ANGPT4: variants seen among roughly 807,000 people sequenced by gnomAD.
The protein encoded by ANGPT4 is angiopoietin-4.
In ANGPT4, 50 loss-of-function variants were observed where a neutral mutation model predicts 53.0. The ratio of observed to expected loss-of-function variants is 0.94; its 90% CI spans 0.75 to 1.20. The LOEUF (loss-of-function observed/expected upper bound fraction) is 1.20. Among genes scored for constraint, ANGPT4 ranks in the 50% most tolerant of loss-of-function variants. The pLI, the probability that ANGPT4 is intolerant of heterozygous loss-of-function variation, is 0.00. For missense variants in ANGPT4, 648 were observed against 637.1 expected (o/e 1.02, Z -0.18); for synonymous variants, 251 against 259.7 (o/e 0.97, Z 0.32).
intron 4 of ANGPT4, among the ~76,000 whole-genome samples, 191 bp downstream of exon 4, chr20:884,887 A>T (rs1279330821): frequency 2.0e-5 from 3 of 152,184 alleles, no homozygotes; most frequent in Non-Finnish European, 4.4e-5. Flanking sequence ...GAATCAGGGG[A>T]CAGGGCCTGG....
At chr20:879,667 A>T (rs113674912) in intron 6 of ANGPT4, 80 bp downstream of exon 6, 1 of 1,229,430 alleles carries the variant, frequency 8.1e-7, no homozygotes. Flanking sequence ...GAATGAGGGC[A>T]AAGCAGTCCC....
At chr20:873,226 G>T (rs1187232041) in intron 8 of ANGPT4, 106 bp from the exon 9 acceptor site, 10 of 813,562 alleles carry the variant, frequency 1.2e-5, no homozygotes, top group Non-Finnish European at 1.7e-5. Flanking sequence ...CGGGGCTGTT[G>T]CCTCCTCTGG....
At chr20:898,758 A>G (rs139700044) in intron 1 of ANGPT4, among the ~76,000 whole-genome samples, 93 of 152,328 alleles carry the variant, frequency 6.1e-4, no homozygotes, top group Non-Finnish European at 7.1e-4. Flanking sequence ...AAGAACTTCA[A>G]AACGCCTAAG....
Position 870,911 on chromosome 20 carries a change from C to T in ANGPT4, c.*2049G>A, listed in dbSNP as rs531941030. The T allele has an allele frequency of 2.0e-4, 31 of 152,274 alleles. No homozygotes were observed. Among genetic ancestry groups the T allele is most frequent in the African/African-American group, 6.5e-4 (27 of 41,546 alleles). The allele number at this position is 152,274 out of a possible 1,614,324, so 9.4% of individuals were successfully genotyped here. A position where few individuals can be genotyped will look rare whatever the true frequency, so the allele number is the denominator to read the frequency against. Reference sequence around the variant, plus strand: ...TGGTCTCATTTCCTCCTTGCCATAGCCCAGCCAGGAAGGAATATTATCATC... The same window carrying T: ...TGGTCTCATTTCCTCCTTGCCATAGTCCAGCCAGGAAGGAATATTATCATC... On this transcript the variant is annotated 3_prime_UTR_variant, in exon 9 of 9. Transcript: ENST00000381922.
chr20:885,459 G>A, intron 3 of ANGPT4, 134 bp from the exon 4 acceptor site: 1 of 1,300,600 alleles, frequency 7.7e-7, no homozygotes, highest in Non-Finnish European at 1.0e-6. Context: ...TGTGCCCACT[G>A]TAGGCACAGA....
intron 4 of ANGPT4, among the ~76,000 whole-genome samples, chr20:882,946 A>T (rs552459767): frequency 6.9e-4 from 105 of 152,338 alleles, no homozygotes; most frequent in African/African-American, 2.4e-3. Flanking sequence ...ACTGATATTG[A>T]TATGCAACAG....
intron 1 of ANGPT4, among the ~76,000 whole-genome samples, chr20:902,470 G>A (rs917481579): frequency 2.6e-5 from 4 of 152,074 alleles, no homozygotes; most frequent in Admixed American, 1.3e-4. Flanking sequence ...AGTAGAAACC[G>A]CAGATACTCT....
chr20:878,146 G>A lies in ANGPT4; in HGVS notation c.1220+15C>T. The A allele has an allele frequency of 6.3e-7, 1 of 1,577,690 alleles. No homozygotes were observed. The highest frequency in any genetic ancestry group is 8.7e-7 in the Non-Finnish European group (1 of 1,152,194). On this transcript the variant is annotated intron_variant, in intron 7 of 8. Transcript: ENST00000381922. Reference sequence around the variant, plus strand: ...AAGACCCCAGCCCCCACAACGGCCTGGGCCCCGAACCCACCTGTATAGCTG... The same window carrying A: ...AAGACCCCAGCCCCCACAACGGCCTAGGCCCCGAACCCACCTGTATAGCTG...
chr20:880,963 G>A (rs117618312), intron 5 of ANGPT4, among the ~76,000 whole-genome samples: 4,397 of 152,338 alleles, frequency 0.029, 91 homozygotes, highest in East Asian at 0.044. Context: ...CTGAAGTGAT[G>A]CTGGTTAAGG....
intron 1 of ANGPT4, among the ~76,000 whole-genome samples, chr20:901,509 G>T (rs915735575): frequency 3.9e-5 from 6 of 152,024 alleles, no homozygotes; most frequent in African/African-American, 1.4e-4. Flanking sequence ...CTCCTTTTTC[G>T]GACTCAGTCC....
intron 1 of ANGPT4, among the ~76,000 whole-genome samples, chr20:896,985 T>G (rs1427045655): frequency 1.3e-5 from 2 of 152,082 alleles, no homozygotes; most frequent in Non-Finnish European, 2.9e-5. Flanking sequence ...ACGGATGACA[T>G]TACCTTGTGA....
chr20:884,204 GAGCCCTTCTCCTTCGCAC>G (rs1337139392), intron 4 of ANGPT4, among the ~76,000 whole-genome samples: 1 of 152,222 alleles, frequency 6.6e-6, no homozygotes, highest in Non-Finnish European at 1.5e-5. Flanking sequence ...CTCAGGCTAA[GAGCCCTTCTCCTTCGCAC>G]AGCCTTTGGA....
chr20:873,448 G>A, intron 8 of ANGPT4, among the ~76,000 whole-genome samples: 1 of 148,654 alleles, frequency 6.7e-6, no homozygotes, highest in South Asian at 2.1e-4. Flanking sequence ...TCCCCTCATC[G>A]CTCTGCTCAC....
intron 1 of ANGPT4, among the ~76,000 whole-genome samples, chr20:900,066 T>C (rs1219548340): frequency 1.3e-5 from 2 of 152,250 alleles, no homozygotes; most frequent in Admixed American, 1.3e-4. Flanking sequence ...GCCCATTCCA[T>C]TCTATCGTCC....
At position 914,237 on chromosome 20, in the gene ANGPT4, A is replaced by G. The variant is rs1166507110; in HGVS notation, c.309+1669T>C. Among the ~76,000 whole-genome samples, 3 of 152,078 alleles carry G rather than the reference A, an allele frequency of 2.0e-5. No homozygotes were observed. The highest frequency in any genetic ancestry group is 3.9e-4 in the East Asian group (2 of 5,188). On this transcript the variant is annotated intron_variant, in intron 1 of 8. Coordinates refer to ENST00000381922, the MANE Select transcript of ANGPT4 (RefSeq NM_015985.4). The surrounding 1 kb of genome is among the most constrained non-coding windows in gnomAD (Gnocchi z 5.0). The stretch of plus-strand genomic sequence containing the variant: ...ACACACCAAAAGAAATGTTTTTAAG[A>G]ACATTAGGTAGGGATAAGTTCTAAG...
chr20:914,562 G>C lies in ANGPT4; in HGVS notation c.309+1344C>G, dbSNP rs1323076287. Among the ~76,000 whole-genome samples the C allele has an allele frequency of 2.6e-5, 4 of 152,066 alleles. No individual in the cohort carries two copies. The highest frequency in any genetic ancestry group is 4.8e-5 in the African/African-American group (2 of 41,372). ...GGCCGAGTGTTAGCAGGGAGCCAGG[G>C]GGGCAGCCAGGACAGCTATCCTGCC... On this transcript the variant is annotated intron_variant, in intron 1 of 8. Coordinates refer to ENST00000381922, the MANE Select transcript of ANGPT4 (RefSeq NM_015985.4). The surrounding 1 kb of genome is among the most constrained non-coding windows in gnomAD (Gnocchi z 5.0).
intron 1 of ANGPT4, among the ~76,000 whole-genome samples, chr20:891,881 C>G (rs1309148595): frequency 6.6e-6 from 1 of 152,154 alleles, no homozygotes; most frequent in East Asian, 1.9e-4. Flanking sequence ...TCAGCATCAG[C>G]TGAGCTCATT....
At chr20:879,306 G>A (rs975865115) in intron 6 of ANGPT4, among the ~76,000 whole-genome samples, 2 of 151,886 alleles carry the variant, frequency 1.3e-5, no homozygotes, top group Admixed American at 6.6e-5. Flanking sequence ...GAAAACAATC[G>A]GGCTTCTCAT....
intron 6 of ANGPT4, 63 bp downstream of exon 6, chr20:879,684 A>G: frequency 6.9e-7 from 1 of 1,456,882 alleles, no homozygotes; most frequent in Non-Finnish European, 9.5e-7. Flanking sequence ...TCCCCTTCCA[A>G]CAGCCCAGCC....
Sources: allele counts gnomAD v4.1 joint callset (sites outside exome capture counted in the v4.1 genomes callset), GRCh38; gene constraint gnomAD v4.1.1; non-coding constraint Gnocchi (gnomAD v3.1); transcripts MANE v1.5; gene names NCBI Gene and HGNC (gene_info 2026-07-23, HGNC 2026-07-21).